ATP10B: variants seen among roughly 807,000 people sequenced by gnomAD.
ATP10B encodes the protein phospholipid-transporting ATPase VB.
In ATP10B, 122 loss-of-function variants were observed where a neutral mutation model predicts 141.2. The ratio of observed to expected loss-of-function variants is 0.86; its 90% CI spans 0.75 to 1.00. The LOEUF (loss-of-function observed/expected upper bound fraction) is 1.00, where lower values mean the gene tolerates loss of function less well. ATP10B is among the 50% of genes least tolerant of loss of function. The pLI, the probability that ATP10B is intolerant of heterozygous loss-of-function variation, is 0.00. For synonymous variants in ATP10B, 685 were observed against 692.0 expected, an observed-to-expected ratio of 0.99 and a Z score of 0.16; for missense variants, 1,876 against 1,825.3, an observed-to-expected ratio of 1.03 and a Z score of -0.51.
chr5:160,585,016 A>G (rs546027004), intron 24 of ATP10B, among the ~76,000 whole-genome samples: 3 of 152,358 alleles, frequency 2.0e-5, no homozygotes, highest in Admixed American at 2.0e-4. Context: ...TAATTATGAT[A>G]TATCCAGGCA....
intron 2 of ATP10B, among the ~76,000 whole-genome samples, chr5:160,767,734 C>A (rs1423811359): frequency 2.1e-4 from 31 of 149,018 alleles, no homozygotes; most frequent in African/African-American, 6.4e-4. Flanking sequence ...CTAACAAAAG[C>A]AGTTTAATCC....
At chr5:160,925,210 T>A in the ATP10B span, among the ~76,000 whole-genome samples, 1 of 152,374 alleles carries the variant, frequency 6.6e-6, no homozygotes, top group African/African-American at 2.4e-5. Context: ...TCTGGCCATG[T>A]GGCCTGCCTA....
intron 1 of ATP10B, among the ~76,000 whole-genome samples, chr5:160,828,894 C>A (rs986118084): frequency 8.1e-5 from 12 of 148,272 alleles, no homozygotes; most frequent in African/African-American, 2.7e-4. Context: ...ATGATGAGTT[C>A]ATGTCATTTG....
chr5:160,818,863 G>A (rs367864813), intron 1 of ATP10B, among the ~76,000 whole-genome samples: 5 of 152,088 alleles, frequency 3.3e-5, no homozygotes, highest in South Asian at 2.1e-4. Context: ...CATGGATGAA[G>A]CTGGAAACCA....
chr5:160,796,059 G>A (rs1771930610), intron 1 of ATP10B, among the ~76,000 whole-genome samples: 1 of 152,110 alleles, frequency 6.6e-6, no homozygotes, highest in South Asian at 2.1e-4. Flanking sequence ...ACCACATTTA[G>A]TGACCTCACC....
intron 22 of ATP10B, among the ~76,000 whole-genome samples, chr5:160,592,170 C>A (rs1223253724): frequency 6.6e-6 from 1 of 152,166 alleles, no homozygotes; most frequent in Non-Finnish European, 1.5e-5. Flanking sequence ...TTGATACCAG[C>A]AAATTCTAAA....
the ATP10B span, among the ~76,000 whole-genome samples, chr5:160,876,939 C>T: frequency 5.7e-5 from 8 of 141,252 alleles, no homozygotes; most frequent in Non-Finnish European, 7.9e-5. Flanking sequence ...GATTCACAGC[C>T]GAATTCTACC....
intron 2 of ATP10B, among the ~76,000 whole-genome samples, chr5:160,761,817 C>A (rs1769065641): frequency 7.1e-6 from 1 of 139,946 alleles, no homozygotes; most frequent in African/African-American, 2.5e-5. Flanking sequence ...TGAAGTCCAA[C>A]TTTAAAAAAT....
At chr5:160,833,988 G>T (rs1258948477) in intron 1 of ATP10B, among the ~76,000 whole-genome samples, 2 of 152,084 alleles carry the variant, frequency 1.3e-5, no homozygotes, top group Non-Finnish European at 2.9e-5. Flanking sequence ...CTTGTGGGCA[G>T]TCATACAACA....
the ATP10B span, among the ~76,000 whole-genome samples, chr5:160,865,979 T>G: frequency 1.3e-3 from 198 of 152,278 alleles, no homozygotes; most frequent in Non-Finnish European, 2.4e-3. Flanking sequence ...CGTAAGCTAA[T>G]ACAACCACTA....
chr5:160,833,669 A>G (rs1775245260), intron 1 of ATP10B, among the ~76,000 whole-genome samples: 1 of 152,158 alleles, frequency 6.6e-6, no homozygotes, highest in Non-Finnish European at 1.5e-5. Context: ...TGATTACAAT[A>G]TGTGAAAGGA....
intron 18 of ATP10B, among the ~76,000 whole-genome samples, chr5:160,611,616 A>C (rs1365765567): frequency 2.6e-5 from 4 of 152,208 alleles, no homozygotes; most frequent in Non-Finnish European, 5.9e-5. Flanking sequence ...TTCATAATCT[A>C]CACTAGTTTT....
chr5:160,865,641 C>G, the ATP10B span, among the ~76,000 whole-genome samples: 24 of 152,064 alleles, frequency 1.6e-4, no homozygotes, highest in East Asian at 4.6e-3. Context: ...ACAGAGAACC[C>G]ATAGAGTGGG....
chr5:160,753,532 G>C (rs1768308897), intron 2 of ATP10B, among the ~76,000 whole-genome samples: 2 of 152,176 alleles, frequency 1.3e-5, no homozygotes, highest in South Asian at 4.1e-4. Context: ...TGTAGAATGT[G>C]TCATTCCTAC....
At chr5:160,682,497 G>A (rs1433472300) in intron 6 of ATP10B, among the ~76,000 whole-genome samples, 3 of 152,132 alleles carry the variant, frequency 2.0e-5, no homozygotes, top group Non-Finnish European at 4.4e-5. Flanking sequence ...CCTGGCCTAG[G>A]TCCTGCCAGC....
At chr5:160,868,523 C>T in the ATP10B span, among the ~76,000 whole-genome samples, 2 of 93,010 alleles carry the variant, frequency 2.2e-5, no homozygotes, top group African/African-American at 8.9e-5. Flanking sequence ...TGAACAGATA[C>T]ACACACACAC....
intron 7 of ATP10B, among the ~76,000 whole-genome samples, chr5:160,652,830 T>C (rs1391259483): frequency 2.9e-5 from 3 of 104,492 alleles, no homozygotes; most frequent in Non-Finnish European, 5.3e-5. Context: ...ATTAATTATA[T>C]ATAATATATA....
intron 1 of ATP10B, among the ~76,000 whole-genome samples, chr5:160,847,759 G>A (rs1776216258): frequency 6.6e-6 from 1 of 152,134 alleles, no homozygotes; most frequent in African/African-American, 2.4e-5. Flanking sequence ...AATTCAGAAG[G>A]AAAAACGCGG....
intron 2 of ATP10B, among the ~76,000 whole-genome samples, chr5:160,767,056 A>C (rs1769500184): frequency 6.6e-6 from 1 of 152,210 alleles, no homozygotes; most frequent in Non-Finnish European, 1.5e-5. Context: ...CAATGGAAAA[A>C]AAAAAGGAAT....
Sources: allele counts gnomAD v4.1 joint callset (sites outside exome capture counted in the v4.1 genomes callset), GRCh38; gene constraint gnomAD v4.1.1; transcripts MANE v1.5; gene names NCBI Gene and HGNC (gene_info 2026-07-23, HGNC 2026-07-21).